RIMS1: variants seen among roughly 807,000 people sequenced by gnomAD.
RIMS1 encodes regulating synaptic membrane exocytosis 1.
In RIMS1, 83 loss-of-function variants were observed where a neutral mutation model predicts 214.1. The observed-to-expected ratio is 0.39, with a 90% CI of 0.32 to 0.47. The LOEUF is 0.47. Ranked by LOEUF, RIMS1 falls within the 20% of genes least tolerant of loss-of-function variation. The pLI is 0.99. For missense variants in RIMS1, 2,050 were observed against 2,161.8 expected (o/e 0.95, Z 1.03); for synonymous variants, 793 against 786.8 (o/e 1.01, Z -0.13).
chr6:72,221,486 T>A lies in RIMS1; in HGVS notation c.1679-12287T>A, dbSNP rs564625704. ...ATGCAAAATGGCTAGCCTAGGGTAG[T>A]AATGAGTTTCTCATTTGAAAACTAA... On this transcript the variant is annotated intron_variant, in intron 6 of 33. Transcript: ENST00000521978. Among the ~76,000 whole-genome samples the A allele has an allele frequency of 1.4e-4, 21 of 152,202 alleles. No individual in the cohort carries two copies. The East Asian group carries it at 3.7e-3, about 27-fold the overall frequency.
At chr6:72,257,307 A>T (rs2154151595) in intron 16 of RIMS1, among the ~76,000 whole-genome samples, 1 of 152,040 alleles carries the variant, frequency 6.6e-6, no homozygotes. Context: ...TGGTTTTGAG[A>T]TTACTGTCTT....
rs2040942066 is a variant in RIMS1 at position 72,134,432 on chromosome 6, T to A, written c.471+34446T>A. Among the ~76,000 whole-genome samples the A allele has an allele frequency of 3.3e-5, 5 of 151,888 alleles. No homozygotes were observed. The South Asian group carries it at 1.0e-3, about 32-fold the overall frequency. ...TTTATTTTGAGATGAGAATTTCAGA[T>A]TTTAATACACTTTAATATTGATATT... is the stretch of plus-strand genomic sequence containing the variant. On this transcript the variant is annotated intron_variant, in intron 4 of 33. Transcript: ENST00000521978.
At chr6:72,223,564 G>A (rs541536911) in intron 6 of RIMS1, among the ~76,000 whole-genome samples, 5 of 151,982 alleles carry the variant, frequency 3.3e-5, no homozygotes, top group South Asian at 4.2e-4. Context: ...GGGAAATAAG[G>A]GTAAAAATTA....
intron 1 of RIMS1, among the ~76,000 whole-genome samples, chr6:71,949,282 G>A (rs1258655477): frequency 6.6e-6 from 1 of 151,902 alleles, no homozygotes. Flanking sequence ...CCTGGTTCTG[G>A]GCATAGCAAG....
chr6:71,916,781 T>C (rs9342906), intron 1 of RIMS1, among the ~76,000 whole-genome samples: 46,798 of 152,028 alleles, frequency 0.31, 7,928 homozygotes, highest in East Asian at 0.46. Context: ...TCGTTTATTC[T>C]AACTTGTCTA....
At chr6:72,115,862 A>C (rs2036970847) in intron 4 of RIMS1, among the ~76,000 whole-genome samples, 1 of 151,900 alleles carries the variant, frequency 6.6e-6, no homozygotes, top group Non-Finnish European at 1.5e-5. Flanking sequence ...ATTCACAGAA[A>C]CCTTCAAAAA....
intron 28 of RIMS1, among the ~76,000 whole-genome samples, chr6:72,322,218 C>T (rs937252472): frequency 6.6e-6 from 1 of 151,990 alleles, no homozygotes; most frequent in African/African-American, 2.4e-5. Context: ...AAGTTTTAGC[C>T]CTGGAGCACC....
chr6:72,308,713 G>A (rs1029176324), intron 27 of RIMS1, among the ~76,000 whole-genome samples: 1 of 152,236 alleles, frequency 6.6e-6, no homozygotes, highest in East Asian at 1.9e-4. Context: ...AGACAGTGTG[G>A]AGGGTCACTG....
intron 4 of RIMS1, among the ~76,000 whole-genome samples, chr6:72,122,527 A>G (rs543085578): frequency 6.6e-6 from 1 of 151,450 alleles, no homozygotes; most frequent in Non-Finnish European, 1.5e-5. Flanking sequence ...TTTTCTATTT[A>G]TTGGAATAGT....
intron 6 of RIMS1, among the ~76,000 whole-genome samples, chr6:72,187,479 G>GTTTTTTTTTTTTTTT (rs61420518): frequency 8.0e-6 from 1 of 125,616 alleles, no homozygotes; most frequent in Non-Finnish European, 1.6e-5. Context: ...TATCCTTTTT[G>GTTTTTTTTTTTTTTT]TTTTTTTTTT....
At chr6:71,986,954 G>A (rs755263058) in intron 2 of RIMS1, among the ~76,000 whole-genome samples, 39 of 152,242 alleles carry the variant, frequency 2.6e-4, no homozygotes, top group Non-Finnish European at 4.6e-4. Flanking sequence ...TGACACTGAT[G>A]CTCAGGGTGT....
At position 72,333,740 on chromosome 6, in the gene RIMS1, G is replaced by T; in HGVS notation, c.4271G>T (p.Gly1424Val). ...SQSDTAVGTV[G>V]AGGKKRRSSL... ...TCAGACACAGCTGTGGGTACAGTTG[G>T]AGCAGGTGGAAAGAAACGGAGATCC... The change falls in exon 29 of 34, where the codon GGA becomes GTA. Residue 1424 changes from glycine to valine, a missense_variant. By Grantham distance (109) the Gly-to-Val change is moderately radical (BLOSUM62 -3). Coordinates refer to ENST00000521978, the MANE Select transcript of RIMS1 (RefSeq NM_014989.7). 1 of 1,599,508 alleles carries T rather than the reference G, an allele frequency of 6.3e-7. No individual in the cohort carries two copies.
At chr6:72,398,414 T>A (rs1045603100) in intron 32 of RIMS1, 64 bp downstream of exon 32, 48 of 921,712 alleles carry the variant, frequency 5.2e-5, no homozygotes, top group Non-Finnish European at 7.8e-5. Flanking sequence ...ATAAAAACAT[T>A]TGCTGCATTT....
At chr6:72,217,842 G>T (rs2056843311) in intron 6 of RIMS1, among the ~76,000 whole-genome samples, 1 of 152,178 alleles carries the variant, frequency 6.6e-6, no homozygotes, top group Non-Finnish European at 1.5e-5. Context: ...GAAGGAAAGA[G>T]AAGTGTAATC....
rs1245164442 is a variant in RIMS1, at chr6:72,265,004, C to T, written c.3146C>T (p.Pro1049Leu). The change falls in exon 20 of 34, where the codon CCT becomes CTT. Residue 1049 changes from proline to leucine, a missense_variant. Physicochemically the swap from Pro to Leu is moderately conservative, Grantham distance 98. Around this residue, in one of 6 missense-constraint regions of RIMS1, gnomAD observed 889 missense variants for 885.5 expected, o/e 1.00. Coordinates refer to ENST00000521978, the MANE Select transcript of RIMS1 (RefSeq NM_014989.7). ...CTTGTTAGGCACTATAAAACATTAC[C>T]TCCCAAGATGCCTTTATTACAGAGC... ...RHLVRHYKTL[P>L]PKMPLLQSSS... 2.5e-6 allele frequency: 4 copies of T among 1,596,720 alleles called. No individual in the cohort carries two copies. Among genetic ancestry groups the T allele is most frequent in the East Asian group, 4.5e-5 (2 of 44,316 alleles).
chr6:72,088,380 C>G (rs928387427), intron 2 of RIMS1, among the ~76,000 whole-genome samples: 19 of 152,060 alleles, frequency 1.2e-4, no homozygotes, highest in Admixed American at 1.2e-3. Flanking sequence ...TTCTGAGTAG[C>G]TAGGATTACA....
chr6:72,054,232 C>A (rs1825522781), intron 2 of RIMS1, among the ~76,000 whole-genome samples: 1 of 152,134 alleles, frequency 6.6e-6, no homozygotes, highest in Non-Finnish European at 1.5e-5. Context: ...CCTGTTTCAT[C>A]CATGTCCCTG....
intron 24 of RIMS1, 132 bp downstream of exon 24, chr6:72,284,250 C>G (rs2091482942): frequency 1.6e-6 from 1 of 617,468 alleles, no homozygotes; most frequent in East Asian, 2.8e-5. Context: ...GTAACTAAAC[C>G]TACCCCTAAA....
intron 16 of RIMS1, among the ~76,000 whole-genome samples, chr6:72,255,267 G>T (rs577186719): frequency 6.6e-6 from 1 of 152,120 alleles, no homozygotes; most frequent in Non-Finnish European, 1.5e-5. Context: ...ACAAATTTGC[G>T]TCTACGTTTC....
Sources: gnomAD v4.1 joint callset for allele counts (sites outside exome capture counted in the v4.1 genomes callset) on GRCh38, gnomAD v4.1.1 for gene constraint, gnomAD v4.1.1 regional missense constraint, MANE v1.5 for transcripts, NCBI Gene and HGNC (gene_info 2026-07-23, HGNC 2026-07-21) for gene names.